DTNB: variants seen among roughly 807,000 people sequenced by gnomAD.
DTNB encodes DTN-B.
DTNB carries 63 observed loss-of-function variants against 90.7 expected under a neutral mutation model. The observed-to-expected ratio is 0.69, with a 90% CI of 0.57 to 0.86. The LOEUF is 0.86. Ranked by LOEUF, DTNB falls within the 40% of genes least tolerant of loss-of-function variation. The probability of loss-of-function intolerance (pLI) is 0.00; values close to 1 mark genes in which losing one functional copy is unlikely to be tolerated. For synonymous variants in DTNB, 277 were observed against 286.7 expected, an observed-to-expected ratio of 0.97 and a Z score of 0.34; for missense variants, 744 against 807.1, an observed-to-expected ratio of 0.92 and a Z score of 0.95.
intron 19 of DTNB, among the ~76,000 whole-genome samples, chr2:25,381,055 G>A (rs2037562311): frequency 6.6e-6 from 1 of 152,344 alleles, no homozygotes; most frequent in African/African-American, 2.4e-5. Flanking sequence ...TTGGTGGAGT[G>A]AAAAGGACTG....
At chr2:25,611,409 A>C (rs565602243) in intron 4 of DTNB, among the ~76,000 whole-genome samples, 1 of 152,350 alleles carries the variant, frequency 6.6e-6, no homozygotes, top group South Asian at 2.1e-4. Flanking sequence ...AACTGATAAC[A>C]TTCTAAGGAT....
intron 10 of DTNB, among the ~76,000 whole-genome samples, chr2:25,478,000 C>G (rs1398911002): frequency 7.6e-6 from 1 of 132,352 alleles, no homozygotes; most frequent in Middle Eastern, 3.6e-3. Context: ...TTTCTTTGTT[C>G]TTGTGAGTTT....
chr2:25,396,427 C>A (rs1227447045), intron 16 of DTNB, among the ~76,000 whole-genome samples: 1 of 152,004 alleles, frequency 6.6e-6, no homozygotes, highest in African/African-American at 2.4e-5. Context: ...AGGAGAATCC[C>A]TTGAACCCAG....
intron 9 of DTNB, among the ~76,000 whole-genome samples, chr2:25,523,848 A>G (rs2150829701): frequency 6.6e-6 from 1 of 151,846 alleles, no homozygotes; most frequent in Admixed American, 6.6e-5. Context: ...GGCCACTTCC[A>G]GAATTATGGT....
intron 10 of DTNB, among the ~76,000 whole-genome samples, chr2:25,475,583 C>T (rs369059662): frequency 1.1e-4 from 16 of 152,218 alleles, no homozygotes; most frequent in Non-Finnish European, 1.0e-4. Context: ...AGCAGCTACA[C>T]AAAAACTGCA....
chr2:25,434,076 A>G (rs954423503), intron 12 of DTNB, 81 bp from the exon 13 acceptor site: 4 of 1,341,646 alleles, frequency 3.0e-6, no homozygotes, highest in Non-Finnish European at 4.2e-6. Flanking sequence ...GATTTTTAAA[A>G]AAGATTTTTG....
chr2:25,435,229 G>C (rs6755057), intron 12 of DTNB, among the ~76,000 whole-genome samples: 133,611 of 152,134 alleles, frequency 0.88, 59,028 homozygotes, highest in Non-Finnish European at 0.92. Context: ...CCATATTGGC[G>C]AGGCTGGTCT....
chr2:25,546,208 G>C (rs1326473392), intron 8 of DTNB, among the ~76,000 whole-genome samples: 1 of 152,196 alleles, frequency 6.6e-6, no homozygotes, highest in African/African-American at 2.4e-5. Flanking sequence ...CTTTGCATAA[G>C]TGGACCAGGG....
intron 8 of DTNB, among the ~76,000 whole-genome samples, chr2:25,566,372 A>G (rs977606900): frequency 2.6e-5 from 4 of 152,170 alleles, no homozygotes; most frequent in Non-Finnish European, 5.9e-5. Flanking sequence ...TGACACTTCG[A>G]TTTCAGCTCA....
chr2:25,443,717 C>T (rs1466338212), intron 12 of DTNB, among the ~76,000 whole-genome samples: 2 of 152,232 alleles, frequency 1.3e-5, no homozygotes, highest in Non-Finnish European at 2.9e-5. Flanking sequence ...CACCGTAAAT[C>T]AGAAGGCTGG....
At chr2:25,645,048 C>T (rs1009417221) in intron 2 of DTNB, among the ~76,000 whole-genome samples, 1 of 152,104 alleles carries the variant, frequency 6.6e-6, no homozygotes, top group African/African-American at 2.4e-5. Flanking sequence ...TTAAATTTAT[C>T]TGAATTTAAC....
intron 16 of DTNB, among the ~76,000 whole-genome samples, chr2:25,404,168 T>C (rs1558372317): frequency 6.6e-6 from 1 of 152,134 alleles, no homozygotes; most frequent in Non-Finnish European, 1.5e-5. Flanking sequence ...GCTGAGGCAA[T>C]ATCTCCACTC....
chr2:25,627,713 G>T (rs976751083), intron 4 of DTNB, among the ~76,000 whole-genome samples: 1 of 151,574 alleles, frequency 6.6e-6, no homozygotes, highest in African/African-American at 2.4e-5. Flanking sequence ...AGTTTCTAGA[G>T]GGGCTTACAC....
At chr2:25,625,456 T>G (rs2073903125) in intron 4 of DTNB, among the ~76,000 whole-genome samples, 1 of 152,162 alleles carries the variant, frequency 6.6e-6, no homozygotes. Context: ...TGATCATTTA[T>G]TCTGATACCA....
intron 1 of DTNB, among the ~76,000 whole-genome samples, chr2:25,667,494 C>G (rs755649698): frequency 6.2e-5 from 9 of 146,266 alleles, no homozygotes; most frequent in Non-Finnish European, 1.4e-4. Flanking sequence ...GACTCCATCT[C>G]AAAAAAAAAA....
chr2:25,615,513 A>C (rs2070087673), intron 4 of DTNB, among the ~76,000 whole-genome samples: 2 of 152,210 alleles, frequency 1.3e-5, no homozygotes, highest in African/African-American at 4.8e-5. Context: ...TCACTCAGGA[A>C]GTTACAAAGG....
In DTNB at chr2:25,443,019, A is replaced by T. The variant is rs192134959; in HGVS notation, c.1257+8529T>A. Among the ~76,000 whole-genome samples the T allele has an allele frequency of 2.0e-5, 3 of 152,368 alleles. No homozygotes were observed. In the East Asian group the frequency reaches 5.8e-4, roughly 29 times the overall value. ...AACATCTGGAGGAAAAAGACTTCTC[A>T]AATGCCACAAACATATAAGCTGAAT... On this transcript the variant is annotated intron_variant, in intron 12 of 20. Transcript: ENST00000406818.
chr2:25,665,398 G>A (rs189531522), intron 1 of DTNB, among the ~76,000 whole-genome samples: 636 of 152,114 alleles, frequency 4.2e-3, no homozygotes, highest in Middle Eastern at 0.014. Context: ...AGGCTGAGGC[G>A]GGTGGATCAC....
At chr2:25,526,848 T>C (rs1385011859) in intron 9 of DTNB, among the ~76,000 whole-genome samples, 3 of 152,102 alleles carry the variant, frequency 2.0e-5, no homozygotes, top group East Asian at 3.8e-4. Context: ...TTAAAAAATA[T>C]GATAAATAGC....
Sources: allele counts gnomAD v4.1 joint callset (sites outside exome capture counted in the v4.1 genomes callset), GRCh38; gene constraint gnomAD v4.1.1; transcripts MANE v1.5; gene names NCBI Gene and HGNC (gene_info 2026-07-23, HGNC 2026-07-21).